The following UBE2E2 variants were observed in gnomAD, a reference collection of about 807,000 sequenced individuals.
The protein encoded by UBE2E2 is ubiquitin conjugating enzyme E2 E2.
Under a neutral mutation model 24.7 loss-of-function variants are expected in UBE2E2, and 6 were observed. The observed-to-expected ratio is 0.24, with a 90% CI of 0.13 to 0.48. The LOEUF is 0.48. Ranked by LOEUF, UBE2E2 falls within the 20% of genes least tolerant of loss-of-function variation. UBE2E2 has a pLI of 0.99. For synonymous variants in UBE2E2, 104 were observed against 83.6 expected (o/e 1.24, Z -1.33); for missense variants, 169 against 245.0 (o/e 0.69, Z 2.07).
chr3:23,301,584 C>G (rs868284412), intron 3 of UBE2E2, among the ~76,000 whole-genome samples: 7 of 152,202 alleles, frequency 4.6e-5, no homozygotes, highest in Non-Finnish European at 8.8e-5. Context: ...GCAGCAGTGG[C>G]TGCAGAACAG....
chr3:23,437,133 C>A (rs183705439), intron 3 of UBE2E2, among the ~76,000 whole-genome samples: 1 of 152,208 alleles, frequency 6.6e-6, no homozygotes, highest in African/African-American at 2.4e-5. Context: ...ACTCTGGCCA[C>A]GTTGGCCTTC....
rs189747767 is a variant in UBE2E2 at position 23,279,721 on chromosome 3, G to T, written c.227+62409G>T. Among the ~76,000 whole-genome samples, 100 of 152,292 alleles carry T rather than the reference G, an allele frequency of 6.6e-4. 5 individuals are homozygous for T. In the East Asian group the frequency reaches 0.016, roughly 24 times the overall value. Reference sequence around the variant, plus strand: ...GCTGTTGGCTGGACCCCCAAGGTGGGGGTGTTCTTGTTAGCTAGTGTCATG... The same window carrying T: ...GCTGTTGGCTGGACCCCCAAGGTGGTGGTGTTCTTGTTAGCTAGTGTCATG... On this transcript the variant is annotated intron_variant, in intron 3 of 5. Coordinates refer to ENST00000396703, the MANE Select transcript of UBE2E2 (RefSeq NM_152653.4).
intron 3 of UBE2E2, among the ~76,000 whole-genome samples, chr3:23,428,963 A>C (rs1697995065): frequency 6.6e-6 from 1 of 151,514 alleles, no homozygotes; most frequent in Non-Finnish European, 1.5e-5. Flanking sequence ...GAATTGAAAA[A>C]GAGGCTATCA....
At chr3:23,539,870 G>A (rs1235076857) in intron 5 of UBE2E2, among the ~76,000 whole-genome samples, 1 of 151,972 alleles carries the variant, frequency 6.6e-6, no homozygotes, top group Admixed American at 6.6e-5. Flanking sequence ...GTACATATAG[G>A]AAATATTAGG....
chr3:23,221,072 C>G (rs1159012763), intron 3 of UBE2E2, among the ~76,000 whole-genome samples: 1 of 152,104 alleles, frequency 6.6e-6, no homozygotes, highest in South Asian at 2.1e-4. Flanking sequence ...GGTTTACGAG[C>G]AGGGGAATGA....
chr3:23,339,225 A>G (rs116219533), intron 3 of UBE2E2, among the ~76,000 whole-genome samples: 4,384 of 152,272 alleles, frequency 0.029, 105 homozygotes, highest in East Asian at 0.13. Flanking sequence ...CAAATTATTG[A>G]CTAGATTTTT....
intron 5 of UBE2E2, among the ~76,000 whole-genome samples, chr3:23,573,708 T>C (rs937731561): frequency 1.3e-5 from 2 of 152,222 alleles, no homozygotes; most frequent in African/African-American, 2.4e-5. Flanking sequence ...TTCTCAGTGC[T>C]GCCAGCTGCT....
chr3:23,321,588 A>G (rs1286036301), intron 3 of UBE2E2, among the ~76,000 whole-genome samples: 1 of 150,060 alleles, frequency 6.7e-6, no homozygotes, highest in East Asian at 2.0e-4. Flanking sequence ...GAGAGCTGCT[A>G]CTCAACTGAC....
intron 3 of UBE2E2, among the ~76,000 whole-genome samples, chr3:23,470,721 A>G (rs1223679084): frequency 6.6e-6 from 1 of 152,222 alleles, no homozygotes; most frequent in Non-Finnish European, 1.5e-5. Flanking sequence ...TAAAGCCAGT[A>G]AAAACGGTTC....
chr3:23,445,603 G>C (rs1338270306), intron 3 of UBE2E2, among the ~76,000 whole-genome samples: 2 of 152,210 alleles, frequency 1.3e-5, no homozygotes, highest in Non-Finnish European at 2.9e-5. Flanking sequence ...TATTTGGCTA[G>C]ATCGGAAATC....
chr3:23,352,303 C>G (rs4858073), intron 3 of UBE2E2, among the ~76,000 whole-genome samples: 66,357 of 151,044 alleles, frequency 0.44, 14,736 homozygotes, highest in Admixed American at 0.55. Flanking sequence ...AATTGACACC[C>G]TAACATCACA....
chr3:23,480,833 A>G (rs2125442007), intron 3 of UBE2E2, among the ~76,000 whole-genome samples: 1 of 152,346 alleles, frequency 6.6e-6, no homozygotes, highest in South Asian at 2.1e-4. Flanking sequence ...CAAAATAAAA[A>G]TGAAACTAAG....
intron 3 of UBE2E2, among the ~76,000 whole-genome samples, chr3:23,364,738 T>C (rs1321509722): frequency 1.3e-5 from 2 of 152,292 alleles, no homozygotes; most frequent in African/African-American, 4.8e-5. Context: ...CTCCTACAAA[T>C]TGAGGTGGAG....
Position 23,353,881 on chromosome 3 carries a change from C to A in UBE2E2, c.227+136569C>A, listed in dbSNP as rs1575581298. Among the ~76,000 whole-genome samples the A allele has an allele frequency of 2.0e-5, 3 of 152,098 alleles. No individual in the cohort carries two copies. In the East Asian group the frequency reaches 5.8e-4, roughly 29 times the overall value. On this transcript the variant is annotated intron_variant, in intron 3 of 5. Transcript: ENST00000396703. The stretch of plus-strand genomic sequence containing the variant: ...TGAGTTTCTTCACAGAATTGGAAAA[C>A]ACTACTTTAAAGTTCATATGGAACC...
At position 23,327,033 on chromosome 3, in the gene UBE2E2, G is replaced by A. The variant is rs182247579; in HGVS notation, c.227+109721G>A. 6.1e-4 allele frequency among the ~76,000 whole-genome samples: 93 copies of A among 152,286 alleles called. 3 individuals carry two copies. The East Asian group carries it at 0.015, about 25-fold the overall frequency. ...CTTTTTTATGGCTGCATGGTATTCC[G>A]TGGTGTTTATGTGCCACATTTTCTT... On this transcript the variant is annotated intron_variant, in intron 3 of 5. Coordinates refer to ENST00000396703, the MANE Select transcript of UBE2E2 (RefSeq NM_152653.4).
At chr3:23,243,669 G>T (rs571080812) in intron 3 of UBE2E2, among the ~76,000 whole-genome samples, 3 of 151,604 alleles carry the variant, frequency 2.0e-5, no homozygotes, top group Admixed American at 6.6e-5. Flanking sequence ...TTTCTCAAGC[G>T]TTGGTTAGAT....
At chr3:23,203,141 G>T (rs887289136), upstream of UBE2E2, 43 of 984,636 alleles carry the variant, frequency 4.4e-5, no homozygotes, top group Non-Finnish European at 4.7e-5. Context: ...GGCGGCGGCG[G>T]CTCCCGGAGG....
At position 23,588,401 on chromosome 3, in the gene UBE2E2, TG is replaced by T. The variant is rs1217700799; in HGVS notation, c.509-1332del. 5.4e-4 allele frequency among the ~76,000 whole-genome samples: 61 copies of T among 113,084 alleles called. 3 individuals carry two copies. In the East Asian group the frequency reaches 0.014, roughly 26 times the overall value. The allele number at this position is 113,084 out of a possible 152,430, so 74.2% of individuals were successfully genotyped here. On this transcript the variant is annotated intron_variant, in intron 5 of 5. Transcript: ENST00000396703. ...TTAATTGCTTTGCTTTTTGTTTTTTTGTTTTTTTGTTTTTTTTTTTTTGTCT... is the reference window on the plus strand; with the variant it reads ...TTAATTGCTTTGCTTTTTGTTTTTTTTTTTTTTGTTTTTTTTTTTTTGTCT...
At chr3:23,238,945 C>T (rs1232880513) in intron 3 of UBE2E2, among the ~76,000 whole-genome samples, 2 of 151,988 alleles carry the variant, frequency 1.3e-5, no homozygotes, top group South Asian at 2.1e-4. Flanking sequence ...AACCTCTAGC[C>T]GGAGAAAGAA....
Sources: gnomAD v4.1 joint callset for allele counts (sites outside exome capture counted in the v4.1 genomes callset) on GRCh38, gnomAD v4.1.1 for gene constraint, MANE v1.5 for transcripts, NCBI Gene and HGNC (gene_info 2026-07-23, HGNC 2026-07-21) for gene names.